Variants in PRELID2 observed in about 807,000 individuals in gnomAD.
The protein encoded by PRELID2 is PRELI domain-containing protein 2.
A neutral mutation model predicts 28.4 loss-of-function variants in PRELID2; 25 were observed. The observed-to-expected ratio is 0.88, with a 90% confidence interval of 0.64 to 1.23. The LOEUF is 1.23. PRELID2 is among the 50% of genes most tolerant of loss of function. The pLI is 0.00. For synonymous variants in PRELID2, 76 were observed against 71.6 expected (o/e 1.06, Z -0.31); for missense variants, 201 against 214.4 (o/e 0.94, Z 0.39).
chr5:145,717,590 T>C (rs995563636), intron 1 of PRELID2, among the ~76,000 whole-genome samples: 16 of 151,814 alleles, frequency 1.1e-4, no homozygotes, highest in African/African-American at 3.9e-4. Flanking sequence ...AGGGAGTTTC[T>C]TTCTGCCTAG....
intron 4 of PRELID2, among the ~76,000 whole-genome samples, chr5:145,808,899 A>G (rs1581245623): frequency 2.3e-5 from 1 of 44,114 alleles, no homozygotes; most frequent in Non-Finnish European, 1.5e-4. Context: ...AAAGGAAAAG[A>G]AAAAAAAAAG....
the PRELID2 span, among the ~76,000 whole-genome samples, chr5:145,249,695 C>T: frequency 6.6e-6 from 1 of 152,096 alleles, no homozygotes; most frequent in Non-Finnish European, 1.5e-5. Context: ...ATATTTCAGC[C>T]AGCAGAGAAG....
the PRELID2 span, among the ~76,000 whole-genome samples, chr5:145,441,589 A>G: frequency 6.6e-6 from 1 of 152,144 alleles, no homozygotes; most frequent in Non-Finnish European, 1.5e-5. Flanking sequence ...GCAAAAAAAT[A>G]AACTCTGGCT....
the PRELID2 span, among the ~76,000 whole-genome samples, chr5:145,257,014 T>G: frequency 1.3e-5 from 2 of 151,788 alleles, no homozygotes; most frequent in Non-Finnish European, 2.9e-5. Flanking sequence ...AGGAAAATAA[T>G]CACATAGGAA....
chr5:145,581,534 A>T (rs1033307967), intron 1 of PRELID2, among the ~76,000 whole-genome samples: 3 of 152,008 alleles, frequency 2.0e-5, no homozygotes, highest in South Asian at 2.1e-4. Context: ...ACAACTGGAT[A>T]CTTGGTGCCT....
intron 1 of PRELID2, among the ~76,000 whole-genome samples, chr5:145,826,896 A>G (rs340045): frequency 0.026 from 3,936 of 152,276 alleles, 176 homozygotes; most frequent in African/African-American, 0.091. Flanking sequence ...CCTACTCTTA[A>G]AAGAGTTATT....
intron 1 of PRELID2, among the ~76,000 whole-genome samples, chr5:145,701,654 A>G (rs181138653): frequency 2.0e-5 from 3 of 152,228 alleles, no homozygotes; most frequent in Non-Finnish European, 4.4e-5. Flanking sequence ...ATTTCTAAAA[A>G]TCAATAAATG....
intron 1 of PRELID2, among the ~76,000 whole-genome samples, chr5:145,516,958 C>T (rs1461174003): frequency 6.6e-6 from 1 of 152,140 alleles, no homozygotes; most frequent in East Asian, 1.9e-4. Flanking sequence ...AAACTGGACC[C>T]TTTCCTTACA....
At chr5:145,729,240 G>C in intron 1 of PRELID2, 1 of 979,998 alleles carries the variant, frequency 1.0e-6, no homozygotes, top group Non-Finnish European at 1.6e-6. Flanking sequence ...TACAATGAAT[G>C]ATGCTGCAAA....
intron 4 of PRELID2, among the ~76,000 whole-genome samples, chr5:145,817,441 A>C (rs1365430943): frequency 7.2e-6 from 1 of 139,324 alleles, no homozygotes; most frequent in South Asian, 2.2e-4. Flanking sequence ...ATATATATAT[A>C]TATATATCAC....
At chr5:145,302,250 C>T in the PRELID2 span, among the ~76,000 whole-genome samples, 19 of 151,950 alleles carry the variant, frequency 1.3e-4, no homozygotes, top group African/African-American at 4.6e-4. Context: ...AGGCTTCTGC[C>T]TCCTGGGTTC....
At chr5:145,753,933 C>T (rs1757191881), downstream of PRELID2, among the ~76,000 whole-genome samples, 1 of 152,110 alleles carries the variant, frequency 6.6e-6, no homozygotes, top group Non-Finnish European at 1.5e-5. Flanking sequence ...TTCCACCTTC[C>T]TCAGTCTTTC....
At chr5:145,711,187 G>T (rs1279914361) in intron 1 of PRELID2, among the ~76,000 whole-genome samples, 1 of 152,112 alleles carries the variant, frequency 6.6e-6, no homozygotes, top group Non-Finnish European at 1.5e-5. Context: ...TTTAGAATTT[G>T]AATCAAGAAA....
intron 1 of PRELID2, among the ~76,000 whole-genome samples, chr5:145,713,378 T>C (rs937936651): frequency 3.5e-5 from 4 of 114,364 alleles, no homozygotes; most frequent in African/African-American, 1.4e-4. Context: ...ATACTTTACA[T>C]TATATATATA....
chr5:145,633,232 C>A (rs879569766), intron 1 of PRELID2, among the ~76,000 whole-genome samples: 4 of 152,078 alleles, frequency 2.6e-5, no homozygotes, highest in South Asian at 4.2e-4. Flanking sequence ...CACTTGGAGA[C>A]AATAAATTCT....
At chr5:145,359,158 A>C in the PRELID2 span, among the ~76,000 whole-genome samples, 6 of 152,226 alleles carry the variant, frequency 3.9e-5, no homozygotes, top group Non-Finnish European at 8.8e-5. Context: ...TGCCAATTAT[A>C]ATCTTTGATT....
chr5:145,559,593 C>T (rs1413254853), intron 1 of PRELID2, among the ~76,000 whole-genome samples: 1 of 152,120 alleles, frequency 6.6e-6, no homozygotes, highest in Non-Finnish European at 1.5e-5. Flanking sequence ...TTTCTCATCC[C>T]ATGACTCCTC....
chr5:145,824,347 C>G (rs764543100), intron 1 of PRELID2, among the ~76,000 whole-genome samples: 3 of 151,780 alleles, frequency 2.0e-5, no homozygotes, highest in Non-Finnish European at 4.4e-5. Flanking sequence ...CCTCACTTTG[C>G]AAACTTGAGC....
chr5:145,508,196 C>T (rs1752427988), intron 1 of PRELID2, among the ~76,000 whole-genome samples: 1 of 152,036 alleles, frequency 6.6e-6, no homozygotes, highest in African/African-American at 2.4e-5. Context: ...TTAAAATGCA[C>T]ATTCACATTG....
Sources: allele counts gnomAD v4.1 joint callset (sites outside exome capture counted in the v4.1 genomes callset), GRCh38; gene constraint gnomAD v4.1.1; transcripts MANE v1.5; gene names NCBI Gene and HGNC (gene_info 2026-07-23, HGNC 2026-07-21).